Variants in RBMS3 observed in about 807,000 individuals in gnomAD.
The protein encoded by RBMS3 is RNA binding motif single stranded interacting protein 3.
RBMS3 carries 27 observed loss-of-function variants against 66.8 expected under a neutral mutation model. The observed-to-expected ratio is 0.40, with a 90% CI of 0.30 to 0.56. The LOEUF (loss-of-function observed/expected upper bound fraction) is 0.56, where lower values mean the gene tolerates loss of function less well. Ranked by LOEUF, RBMS3 falls within the 20% of genes least tolerant of loss-of-function variation. RBMS3 has a pLI of 0.40. For synonymous variants in RBMS3, 188 were observed against 183.0 expected (o/e 1.03, Z -0.22); for missense variants, 513 against 549.5 (o/e 0.93, Z 0.66).
At chr3:29,876,110 G>A (rs572075803) in intron 7 of RBMS3, among the ~76,000 whole-genome samples, 3 of 152,206 alleles carry the variant, frequency 2.0e-5, no homozygotes, top group African/African-American at 7.2e-5. Context: ...CTGTCAAAAG[G>A]ACTTTTAATA....
intron 4 of RBMS3, among the ~76,000 whole-genome samples, chr3:29,671,341 T>C (rs1282837204): frequency 6.6e-6 from 1 of 151,874 alleles, no homozygotes; most frequent in Admixed American, 6.6e-5. Context: ...GAGCAGAAAA[T>C]CTGAAAATTC....
intron 10 of RBMS3, among the ~76,000 whole-genome samples, chr3:29,919,076 T>C (rs1487511351): frequency 6.6e-6 from 1 of 152,178 alleles, no homozygotes; most frequent in Non-Finnish European, 1.5e-5. Context: ...CCTACTCTTT[T>C]AAAGAGTTTT....
chr3:29,741,249 G>C (rs1201585482), intron 5 of RBMS3, among the ~76,000 whole-genome samples: 1 of 152,140 alleles, frequency 6.6e-6, no homozygotes, highest in Non-Finnish European at 1.5e-5. Context: ...TTGATGATTT[G>C]AATAGAAATA....
chr3:29,338,932 T>G (rs1575573627), intron 1 of RBMS3, among the ~76,000 whole-genome samples: 1 of 152,242 alleles, frequency 6.6e-6, no homozygotes, highest in East Asian at 1.9e-4. Flanking sequence ...TCTTGGCAGG[T>G]GTTTTCCTTG....
intron 6 of RBMS3, among the ~76,000 whole-genome samples, chr3:29,857,693 C>G (rs61047668): frequency 6.6e-6 from 1 of 151,428 alleles, no homozygotes; most frequent in African/African-American, 2.4e-5. Flanking sequence ...TGTGTATTAC[C>G]CTCAGCCACT....
intron 14 of RBMS3, among the ~76,000 whole-genome samples, chr3:29,997,079 AG>A (rs1452875102): frequency 6.6e-6 from 1 of 151,610 alleles, no homozygotes; most frequent in African/African-American, 2.4e-5. Context: ...AAAATGATAA[AG>A]GGGATATCAC....
intron 4 of RBMS3, among the ~76,000 whole-genome samples, chr3:29,659,606 A>G (rs775881035): frequency 2.6e-5 from 4 of 152,130 alleles, no homozygotes; most frequent in Non-Finnish European, 4.4e-5. Flanking sequence ...TATATACTAC[A>G]TTTCCCTTAT....
rs112565181 is a variant in RBMS3, at chr3:29,500,916, A to G, written c.307+12417A>G. Among the ~76,000 whole-genome samples the G allele has an allele frequency of 2.5e-3, 378 of 152,236 alleles. 4 individuals carry two copies. Among genetic ancestry groups the G allele is most frequent in the African/African-American group, 8.8e-3 (367 of 41,552 alleles). ...ATTTTTATTCAAAGAGAGTTTAAAA[A>G]TTGTTATATAAAGATTTACCTAAAA... On this transcript the variant is annotated intron_variant, in intron 3 of 14. Coordinates refer to ENST00000383767, the MANE Select transcript of RBMS3 (RefSeq NM_001003793.3).
chr3:29,751,849 G>A (rs375240962), intron 5 of RBMS3, among the ~76,000 whole-genome samples: 17 of 152,150 alleles, frequency 1.1e-4, no homozygotes, highest in Admixed American at 2.0e-4. Flanking sequence ...TGCAGGAGCC[G>A]GGGCAAGTGC....
chr3:29,614,266 A>G (rs2048584497), intron 4 of RBMS3, among the ~76,000 whole-genome samples: 1 of 152,176 alleles, frequency 6.6e-6, no homozygotes, highest in Non-Finnish European at 1.5e-5. Flanking sequence ...GGAATCAGAA[A>G]AAGCATAAGA....
chr3:29,434,976 A>G, intron 2 of RBMS3, 61 bp downstream of exon 2: 1 of 1,522,608 alleles, frequency 6.6e-7, no homozygotes, highest in East Asian at 2.3e-5. Context: ...GGTGGGCAGG[A>G]TGTGTTATTT....
chr3:29,900,403 T>G (rs888953871), intron 10 of RBMS3, among the ~76,000 whole-genome samples: 3 of 151,826 alleles, frequency 2.0e-5, no homozygotes, highest in Non-Finnish European at 2.9e-5. Flanking sequence ...TCTTTTTTAC[T>G]TGCTAGATTT....
At chr3:29,344,913 C>T (rs1177824431) in intron 1 of RBMS3, among the ~76,000 whole-genome samples, 1 of 152,172 alleles carries the variant, frequency 6.6e-6, no homozygotes, top group Non-Finnish European at 1.5e-5. Context: ...TGGCTGTCCC[C>T]TTTAACTCAA....
chr3:29,745,911 A>T (rs2054872874), intron 5 of RBMS3, among the ~76,000 whole-genome samples: 1 of 149,998 alleles, frequency 6.7e-6, no homozygotes, highest in Non-Finnish European at 1.5e-5. Context: ...AAAAAAAAAG[A>T]TGGGTATAGG....
intron 1 of RBMS3, among the ~76,000 whole-genome samples, chr3:29,300,981 G>C (rs984575441): frequency 2.6e-5 from 4 of 151,952 alleles, no homozygotes; most frequent in Admixed American, 2.6e-4. Context: ...TGTGGGACCA[G>C]AGAAAGGCCA....
intron 2 of RBMS3, among the ~76,000 whole-genome samples, chr3:29,451,041 T>G (rs1050588914): frequency 6.6e-6 from 1 of 152,048 alleles, no homozygotes; most frequent in Non-Finnish European, 1.5e-5. Flanking sequence ...TCCCCCACAT[T>G]TAGTTCAATG....
At chr3:29,412,049 A>C (rs1183804983) in intron 1 of RBMS3, among the ~76,000 whole-genome samples, 3 of 152,254 alleles carry the variant, frequency 2.0e-5, no homozygotes, top group African/African-American at 4.8e-5. Context: ...ATGTGCATTT[A>C]GTTAGTTTAT....
chr3:29,721,552 T>G (rs1444124746), intron 4 of RBMS3, among the ~76,000 whole-genome samples: 3 of 152,124 alleles, frequency 2.0e-5, no homozygotes, highest in Non-Finnish European at 4.4e-5. Flanking sequence ...CTCCAGATGT[T>G]GCCAACAGTC....
At chr3:29,657,355 C>G (rs1336627409) in intron 4 of RBMS3, among the ~76,000 whole-genome samples, 1 of 152,212 alleles carries the variant, frequency 6.6e-6, no homozygotes, top group East Asian at 1.9e-4. Flanking sequence ...ATATCTCACA[C>G]TATTTTGACG....
Sources: gnomAD v4.1 joint callset for allele counts (sites outside exome capture counted in the v4.1 genomes callset) on GRCh38, gnomAD v4.1.1 for gene constraint, MANE v1.5 for transcripts, NCBI Gene and HGNC (gene_info 2026-07-23, HGNC 2026-07-21) for gene names.